The following FAM185A variants were observed in gnomAD, a reference collection of about 807,000 sequenced individuals.
FAM185A encodes family with sequence similarity 185 member A, also known as protein FAM185A.
Under a neutral mutation model 45.7 loss-of-function variants are expected in FAM185A, and 21 were observed. The ratio of observed to expected loss-of-function variants is 0.46; its 90% CI spans 0.33 to 0.66. The LOEUF (loss-of-function observed/expected upper bound fraction) is 0.66. FAM185A is among the 30% of genes least tolerant of loss of function. FAM185A has a pLI of 0.03. For synonymous variants in FAM185A, 117 were observed against 194.0 expected (o/e 0.60, Z 3.30); for missense variants, 305 against 485.4 (o/e 0.63, Z 3.49).
At chr7:102,795,050 A>T (rs563810264) in intron 7 of FAM185A, among the ~76,000 whole-genome samples, 11 of 152,380 alleles carry the variant, frequency 7.2e-5, no homozygotes, top group Middle Eastern at 3.4e-3. Flanking sequence ...CTTCCTTTGT[A>T]GTGACAGAAC....
the FAM185A span, among the ~76,000 whole-genome samples, chr7:102,826,348 C>T: frequency 2.6e-5 from 4 of 152,060 alleles, no homozygotes; most frequent in African/African-American, 9.7e-5. Context: ...AAATAATGTG[C>T]TTTAAAGGTC....
intron 4 of FAM185A, among the ~76,000 whole-genome samples, chr7:102,761,724 C>T (rs1794116603): frequency 6.6e-6 from 1 of 151,446 alleles, no homozygotes; most frequent in Admixed American, 6.6e-5. Context: ...AGTGCAGTGG[C>T]GTGACACTGG....
At chr7:102,787,020 A>T (rs1246677908) in intron 6 of FAM185A, among the ~76,000 whole-genome samples, 1 of 152,160 alleles carries the variant, frequency 6.6e-6, no homozygotes, top group Non-Finnish European at 1.5e-5. Flanking sequence ...GGCAAATCCT[A>T]TCTATAAGCT....
chr7:102,751,682 T>C lies in FAM185A; in HGVS notation c.452-10T>C, dbSNP rs560079207. On this transcript the variant is annotated splice_polypyrimidine_tract_variant and intron_variant, in intron 1 of 7. Transcript: ENST00000413034. ...AGTACTAACTTGCTTTTTTCTTTTT[T>C]TACTTCTAGGTTTAGATATCAAGTC... 128 of 1,533,148 alleles carry C rather than the reference T, an allele frequency of 8.3e-5. No individual in the cohort carries two copies. The African/African-American group carries it at 1.7e-3, about 20-fold the overall frequency. 95.0% of individuals were successfully genotyped at this position (1,533,148 alleles called of 1,614,324 possible).
At chr7:102,807,037 A>T (rs1797160839) in intron 7 of FAM185A, among the ~76,000 whole-genome samples, 1 of 152,182 alleles carries the variant, frequency 6.6e-6, no homozygotes, top group Non-Finnish European at 1.5e-5. Context: ...CTGTGGATGA[A>T]CCTCAAAATA....
At chr7:102,793,063 A>G (rs1392845349) in intron 7 of FAM185A, among the ~76,000 whole-genome samples, 1 of 152,240 alleles carries the variant, frequency 6.6e-6, no homozygotes, top group Non-Finnish European at 1.5e-5. Context: ...TCAGCAATGT[A>G]TATATATTTC....
chr7:102,812,769 A>C (rs929875930), downstream of FAM185A, among the ~76,000 whole-genome samples: 2 of 151,762 alleles, frequency 1.3e-5, no homozygotes, highest in Non-Finnish European at 2.9e-5. Context: ...TAGATTTTAT[A>C]ATCTCATCAA....
chr7:102,825,488 C>T, the FAM185A span, among the ~76,000 whole-genome samples: 1 of 152,164 alleles, frequency 6.6e-6, no homozygotes, highest in Non-Finnish European at 1.5e-5. Context: ...GACTTCCCAG[C>T]CTCCAGAAAT....
chr7:102,827,308 G>A, the FAM185A span: 1 of 299,546 alleles, frequency 3.3e-6, no homozygotes. Flanking sequence ...GCAAAGAGAT[G>A]ACTGCAGCTC....
rs568181454 is a variant in FAM185A, at chr7:102,749,023, C to T, written c.-185C>T. On this transcript the variant is annotated 5_prime_UTR_variant, in exon 1 of 8. Coordinates refer to ENST00000413034, the MANE Select transcript of FAM185A (RefSeq NM_001145268.2). The stretch of plus-strand genomic sequence containing the variant: ...TAGAGCTTTCAAATCCCAACTTGCC[C>T]CTGGGGATTGCGCGGCTGATGTTTA... 2 of 933,536 alleles carry T rather than the reference C, an allele frequency of 2.1e-6. No homozygotes were observed. The highest frequency in any genetic ancestry group is 2.0e-5 in the Admixed American group (1 of 50,230). The allele number at this position is 933,536 out of a possible 1,614,324, so 57.8% of individuals were successfully genotyped here.
intron 6 of FAM185A, among the ~76,000 whole-genome samples, chr7:102,779,306 C>A (rs914360963): frequency 3.3e-5 from 5 of 152,096 alleles, no homozygotes; most frequent in Non-Finnish European, 5.9e-5. Context: ...GAAAATTCTT[C>A]ATTCACAAAC....
chr7:102,814,999 T>C, the FAM185A span, among the ~76,000 whole-genome samples: 1 of 152,204 alleles, frequency 6.6e-6, no homozygotes, highest in East Asian at 1.9e-4. Flanking sequence ...ATCATATCTT[T>C]CAACACATTT....
chr7:102,776,963 T>C (rs1795109571), intron 5 of FAM185A, among the ~76,000 whole-genome samples: 1 of 152,138 alleles, frequency 6.6e-6, no homozygotes, highest in Non-Finnish European at 1.5e-5. Flanking sequence ...AAGGAACCAT[T>C]ACTTGCAGAC....
the FAM185A span, among the ~76,000 whole-genome samples, chr7:102,827,935 G>C: frequency 1.3e-5 from 2 of 152,046 alleles, no homozygotes; most frequent in African/African-American, 4.8e-5. Context: ...CTGTTCCATT[G>C]GTCTATATCT....
At chr7:102,835,844 C>T in the FAM185A span, among the ~76,000 whole-genome samples, 2 of 151,894 alleles carry the variant, frequency 1.3e-5, no homozygotes, top group African/African-American at 4.8e-5. Flanking sequence ...CTCCTGACCT[C>T]GTGATCCGCC....
At chr7:102,830,387 G>A in the FAM185A span, among the ~76,000 whole-genome samples, 1 of 152,120 alleles carries the variant, frequency 6.6e-6, no homozygotes, top group African/African-American at 2.4e-5. Context: ...TTGCCCATAT[G>A]TCTGTGTGCT....
downstream of FAM185A, chr7:102,813,466 C>T (rs1324789782): frequency 6.8e-6 from 11 of 1,614,026 alleles, no homozygotes; most frequent in Admixed American, 1.7e-5. Flanking sequence ...GCCAAACCAA[C>T]GTGGAGGGTC....
At chr7:102,835,149 T>C in the FAM185A span, among the ~76,000 whole-genome samples, 1 of 152,220 alleles carries the variant, frequency 6.6e-6, no homozygotes, top group Non-Finnish European at 1.5e-5. Context: ...GATTCATTCT[T>C]TGATCTCATG....
intron 7 of FAM185A, among the ~76,000 whole-genome samples, chr7:102,801,857 G>C (rs1796814511): frequency 6.6e-6 from 1 of 151,834 alleles, no homozygotes; most frequent in Non-Finnish European, 1.5e-5. Flanking sequence ...GGGAGGCAGA[G>C]GTTGCAGTGA....
Sources: gnomAD v4.1 joint callset for allele counts (sites outside exome capture counted in the v4.1 genomes callset) on GRCh38, gnomAD v4.1.1 for gene constraint, MANE v1.5 for transcripts, NCBI Gene and HGNC (gene_info 2026-07-23, HGNC 2026-07-21) for gene names.